The following TRPM3 variants were observed in gnomAD, a reference collection of about 807,000 sequenced individuals.
TRPM3 encodes long transient receptor potential channel 3.
A neutral mutation model predicts 181.2 loss-of-function variants in TRPM3; 77 were observed. The ratio of observed to expected loss-of-function variants is 0.42; its 90% CI spans 0.35 to 0.51. The LOEUF (loss-of-function observed/expected upper bound fraction) is 0.51. TRPM3 is among the 20% of genes least tolerant of loss of function. TRPM3 has a pLI of 0.01. For missense variants in TRPM3, 1,759 were observed against 2,196.7 expected, an observed-to-expected ratio of 0.80 and a Z score of 3.98; for synonymous variants, 745 against 796.4, an observed-to-expected ratio of 0.94 and a Z score of 1.09.
At chr9:71,231,423 G>A (rs2081042540) in intron 1 of TRPM3, among the ~76,000 whole-genome samples, 1 of 152,146 alleles carries the variant, frequency 6.6e-6, no homozygotes, top group African/African-American at 2.4e-5. Flanking sequence ...GCTTCTTGAA[G>A]CTAGAACATG....
At chr9:70,683,902 G>T (rs1249849473) in intron 8 of TRPM3, among the ~76,000 whole-genome samples, 1 of 152,120 alleles carries the variant, frequency 6.6e-6, no homozygotes, top group Non-Finnish European at 1.5e-5. Context: ...ATTTTGGCTG[G>T]CCCTTTAAGT....
chr9:70,910,833 C>G (rs556383343), intron 1 of TRPM3, among the ~76,000 whole-genome samples: 3 of 152,300 alleles, frequency 2.0e-5, no homozygotes, highest in African/African-American at 7.2e-5. Context: ...TGTCTGAGCT[C>G]TTAATCATTG....
At chr9:70,665,041 A>G (rs7039780) in intron 9 of TRPM3, among the ~76,000 whole-genome samples, 58,383 of 151,928 alleles carry the variant, frequency 0.38, 11,711 homozygotes, top group African/African-American at 0.49. Flanking sequence ...GGCTGCTGAT[A>G]GAATTGTAGC....
intron 1 of TRPM3, among the ~76,000 whole-genome samples, chr9:71,194,696 A>G (rs2078237862): frequency 6.6e-6 from 1 of 151,996 alleles, no homozygotes; most frequent in Admixed American, 6.6e-5. Flanking sequence ...ACTTTACCTT[A>G]AATAATACAC....
intron 1 of TRPM3, among the ~76,000 whole-genome samples, chr9:71,283,630 C>G (rs2085038605): frequency 6.6e-6 from 1 of 152,174 alleles, no homozygotes. Context: ...TAAATCGTAT[C>G]CCATTGTATT....
chr9:71,128,866 C>T (rs1229508336), intron 1 of TRPM3, among the ~76,000 whole-genome samples: 1 of 152,154 alleles, frequency 6.6e-6, no homozygotes, highest in Non-Finnish European at 1.5e-5. Flanking sequence ...CAAGCTCAAA[C>T]CTCACATATA....
At chr9:71,051,959 G>A (rs1391005339) in intron 1 of TRPM3, among the ~76,000 whole-genome samples, 3 of 152,076 alleles carry the variant, frequency 2.0e-5, no homozygotes, top group African/African-American at 7.2e-5. Context: ...GTATCTCGAA[G>A]AAAAGAAAAT....
intron 5 of TRPM3, among the ~76,000 whole-genome samples, chr9:70,833,262 A>G (rs1045465065): frequency 1.3e-5 from 2 of 152,142 alleles, no homozygotes; most frequent in Non-Finnish European, 2.9e-5. Context: ...ACCTGGGACT[A>G]CTTTTCCAAA....
At chr9:71,198,890 C>T (rs1168025689) in intron 1 of TRPM3, among the ~76,000 whole-genome samples, 1 of 117,634 alleles carries the variant, frequency 8.5e-6, no homozygotes, top group African/African-American at 2.9e-5. Flanking sequence ...ATTGCCCTGG[C>T]CAGAACTTCC....
At chr9:71,217,126 A>G (rs1021005726) in intron 1 of TRPM3, among the ~76,000 whole-genome samples, 11 of 150,086 alleles carry the variant, frequency 7.3e-5, no homozygotes, top group African/African-American at 2.7e-4. Flanking sequence ...AATTTTTTGT[A>G]TTTTTAGTAG....
At chr9:71,263,109 C>A (rs2083173541) in intron 1 of TRPM3, among the ~76,000 whole-genome samples, 1 of 152,210 alleles carries the variant, frequency 6.6e-6, no homozygotes, top group Non-Finnish European at 1.5e-5. Flanking sequence ...ATAATTCTCA[C>A]TGACCACCAT....
At chr9:70,781,490 T>G (rs939940580) in intron 7 of TRPM3, among the ~76,000 whole-genome samples, 1 of 152,116 alleles carries the variant, frequency 6.6e-6, no homozygotes. Flanking sequence ...TTTGATTTCT[T>G]TGGAATACCA....
At chr9:70,770,878 G>A (rs1390856294) in intron 7 of TRPM3, among the ~76,000 whole-genome samples, 1 of 152,146 alleles carries the variant, frequency 6.6e-6, no homozygotes, top group East Asian at 1.9e-4. Flanking sequence ...GCTGAAGCAA[G>A]GTAACCGGCA....
At chr9:70,806,564 G>A (rs915180002) in intron 6 of TRPM3, among the ~76,000 whole-genome samples, 1 of 151,978 alleles carries the variant, frequency 6.6e-6, no homozygotes, top group Admixed American at 6.6e-5. Flanking sequence ...GGTGGTGCAC[G>A]CCTATAGCCC....
At chr9:70,889,151 G>T (rs2132814422) in intron 1 of TRPM3, among the ~76,000 whole-genome samples, 1 of 152,262 alleles carries the variant, frequency 6.6e-6, no homozygotes, top group East Asian at 1.9e-4. Context: ...AAGGCACCAG[G>T]TATTTTTAAA....
intron 18 of TRPM3, among the ~76,000 whole-genome samples, chr9:70,613,524 G>A (rs899082727): frequency 2.0e-5 from 3 of 152,214 alleles, no homozygotes; most frequent in Admixed American, 1.3e-4. Flanking sequence ...GCTGCACTCT[G>A]CAGTTCTGTC....
chr9:71,284,385 GT>G (rs1424922420), intron 1 of TRPM3, among the ~76,000 whole-genome samples: 1 of 152,146 alleles, frequency 6.6e-6, no homozygotes, highest in Non-Finnish European at 1.5e-5. Context: ...CTCAATCTAA[GT>G]TTTTCTTTAA....
chr9:70,938,983 A>T (rs1312754011), intron 1 of TRPM3, among the ~76,000 whole-genome samples: 1 of 151,646 alleles, frequency 6.6e-6, no homozygotes, highest in African/African-American at 2.4e-5. Context: ...AATAAAAAAT[A>T]AAAAAATAAA....
intron 1 of TRPM3, among the ~76,000 whole-genome samples, chr9:71,198,604 A>T (rs1284195691): frequency 6.6e-6 from 1 of 151,556 alleles, no homozygotes; most frequent in East Asian, 1.9e-4. Context: ...TGTAAGTTGG[A>T]TTCCTAGGTA....
Sources: allele counts gnomAD v4.1 joint callset (sites outside exome capture counted in the v4.1 genomes callset), GRCh38; gene constraint gnomAD v4.1.1; transcripts MANE v1.5; gene names NCBI Gene and HGNC (gene_info 2026-07-23, HGNC 2026-07-21).